The following ZBTB20 variants were observed in gnomAD, a reference collection of about 807,000 sequenced individuals.
The protein encoded by ZBTB20 is zinc finger and BTB domain containing 20.
Under a neutral mutation model 56.9 loss-of-function variants are expected in ZBTB20, and 9 were observed. That is an observed-to-expected ratio of 0.16 (90% CI 0.10 to 0.28). The LOEUF (loss-of-function observed/expected upper bound fraction) is 0.28, where lower values mean the gene tolerates loss of function less well. Among genes scored for constraint, ZBTB20 ranks in the 10% least tolerant of loss-of-function variants. The pLI is 1.00. For missense variants in ZBTB20, 655 were observed against 1,003.0 expected, an observed-to-expected ratio of 0.65 and a Z score of 4.69; for synonymous variants, 417 against 420.7, an observed-to-expected ratio of 0.99 and a Z score of 0.11.
Position 114,351,209 on chromosome 3 carries a change from C to T in ZBTB20, c.869G>A (p.Arg290His). 18 of 1,601,876 alleles carry T rather than the reference C, an allele frequency of 1.1e-5. No homozygotes were observed. The highest frequency in any genetic ancestry group is 1.5e-5 in the Non-Finnish European group (18 of 1,179,476). The stretch of plus-strand genomic sequence containing the variant: ...CATCTGCTGCGAGCGCTCATGGATG[C>T]GTGTGATCCAGCTGGGGTCTTCCAT... Reference protein sequence around the residue: ...HHMEDPSWITRIHERSQQMER... With the variant: ...HHMEDPSWITHIHERSQQMER... The change falls in exon 11 of 12, where the codon CGC (arginine) becomes CAC (histidine). Residue 290 changes from arginine (R) to histidine (H), a missense_variant. Physicochemically the swap from Arg to His is conservative, Grantham distance 29. This residue lies in a region of ZBTB20 where 167 missense variants were observed against 281.9 expected (regional missense o/e 0.59). Transcript: ENST00000675478.
chr3:114,752,706 A>G lies in ZBTB20; in HGVS notation c.-343+48395T>C, dbSNP rs78000637. ...CAGTTAAAACATAACTCCTGCTGGG[A>G]AGCCTTTCCTGTTGCTGTACTCTCT... On this transcript the variant is annotated intron_variant, in intron 5 of 11. Transcript: ENST00000675478. Among the ~76,000 whole-genome samples the G allele has an allele frequency of 7.8e-3, 1,184 of 152,276 alleles. 7 individuals carry two copies. Among genetic ancestry groups the G allele is most frequent in the Middle Eastern group, 0.014 (4 of 294 alleles).
rs1048376285 is a variant in ZBTB20 at position 114,335,712 on chromosome 3, C to G, written c.*3293G>C. On this transcript the variant is annotated 3_prime_UTR_variant, in exon 12 of 12. Transcript: ENST00000675478. ...GGATAAATGTACAGTAGGAATATGT[C>G]TACTGCTATGCAAACCTGGCTGGTC... is the stretch of plus-strand genomic sequence containing the variant. 1 of 152,138 alleles carries G rather than the reference C, an allele frequency of 6.6e-6. No individual in the cohort carries two copies. The highest frequency in any genetic ancestry group is 6.5e-5 in the Admixed American group (1 of 15,270). 9.4% of individuals were successfully genotyped at this position (152,138 alleles called of 1,614,324 possible). A position where few individuals can be genotyped will look rare whatever the true frequency, so the allele number is the denominator to read the frequency against.
intron 5 of ZBTB20, among the ~76,000 whole-genome samples, chr3:114,714,187 G>GA (rs2064294168): frequency 6.6e-6 from 1 of 152,188 alleles, no homozygotes; most frequent in African/African-American, 2.4e-5. Flanking sequence ...ATCAAAATCT[G>GA]AAAATCATAG....
intron 10 of ZBTB20, among the ~76,000 whole-genome samples, chr3:114,371,114 AC>A (rs532795685): frequency 1.2e-4 from 18 of 152,160 alleles, no homozygotes; most frequent in Non-Finnish European, 1.9e-4. Context: ...GGTAGGCCCT[AC>A]TTAACACCCT....
At chr3:115,120,225 T>C (rs969508879) in intron 1 of ZBTB20, among the ~76,000 whole-genome samples, 6 of 152,154 alleles carry the variant, frequency 3.9e-5, no homozygotes, top group African/African-American at 1.4e-4. Context: ...GTAACAAATG[T>C]ACCGCTATGC....
intron 2 of ZBTB20, among the ~76,000 whole-genome samples, chr3:115,043,936 G>C (rs561266613): frequency 6.6e-6 from 1 of 152,208 alleles, no homozygotes; most frequent in Non-Finnish European, 1.5e-5. Context: ...GGTAATAAGT[G>C]AGCTCTCACT....
intron 3 of ZBTB20, among the ~76,000 whole-genome samples, chr3:114,955,597 A>T (rs1190673443): frequency 6.6e-6 from 1 of 152,160 alleles, no homozygotes; most frequent in Non-Finnish European, 1.5e-5. Context: ...CCTTGAAATC[A>T]TCCACAGAGA....
At chr3:115,030,855 C>A (rs1446924971) in intron 2 of ZBTB20, among the ~76,000 whole-genome samples, 2 of 151,230 alleles carry the variant, frequency 1.3e-5, no homozygotes, top group Non-Finnish European at 3.0e-5. Flanking sequence ...ATTTATGAGT[C>A]TTTTCTCTCA....
At chr3:114,952,387 A>C (rs548564107) in intron 3 of ZBTB20, among the ~76,000 whole-genome samples, 1 of 152,064 alleles carries the variant, frequency 6.6e-6, no homozygotes, top group Non-Finnish European at 1.5e-5. Flanking sequence ...TCATGATCTT[A>C]GACTTCTCAG....
Position 114,429,573 on chromosome 3 carries a change from G to A in ZBTB20, c.-254-40468C>T, listed in dbSNP as rs72950663. Among the ~76,000 whole-genome samples, 308 of 152,276 alleles carry A rather than the reference G, an allele frequency of 2.0e-3. 2 individuals carry two copies. Among genetic ancestry groups the A allele is most frequent in the African/African-American group, 6.4e-3 (264 of 41,550 alleles). On this transcript the variant is annotated intron_variant, in intron 7 of 11. Transcript: ENST00000675478. Reference sequence around the variant, plus strand: ...TGAGAGGGTATTGAGGTTGAGGATGGGGATGAAACTAAGAATAAGGCAGAG... The same window carrying A: ...TGAGAGGGTATTGAGGTTGAGGATGAGGATGAAACTAAGAATAAGGCAGAG...
intron 7 of ZBTB20, among the ~76,000 whole-genome samples, chr3:114,404,917 C>T (rs2087162659): frequency 6.6e-6 from 1 of 152,120 alleles, no homozygotes; most frequent in South Asian, 2.1e-4. Flanking sequence ...AGCCCCATTT[C>T]CAAGAAGCAG....
rs558984257 is a variant in ZBTB20, at chr3:114,945,485, A to C, written c.-456+28881T>G. ...GAGGGACAAATATAATTATTCATTGAAAAGAGATAAAAGGTGTAAGTTACA... is the reference window on the plus strand; with the variant it reads ...GAGGGACAAATATAATTATTCATTGCAAAGAGATAAAAGGTGTAAGTTACA... On this transcript the variant is annotated intron_variant, in intron 3 of 11. Transcript: ENST00000675478. 8.7e-4 allele frequency among the ~76,000 whole-genome samples: 127 copies of C among 145,488 alleles called. 20 individuals are homozygous for C. The highest frequency in any genetic ancestry group is 3.5e-3 in the Middle Eastern group (1 of 288).
chr3:114,645,152 T>C (rs1385671352), intron 6 of ZBTB20, among the ~76,000 whole-genome samples: 3 of 152,056 alleles, frequency 2.0e-5, no homozygotes, highest in Non-Finnish European at 4.4e-5. Context: ...AAATAAAATG[T>C]TAGTGTTTGG....
chr3:114,590,313 A>T (rs994138546), intron 6 of ZBTB20, among the ~76,000 whole-genome samples: 18 of 152,024 alleles, frequency 1.2e-4, no homozygotes, highest in Non-Finnish European at 1.5e-4. Context: ...AAAATTAGCC[A>T]GTCATGATGG....
intron 1 of ZBTB20, among the ~76,000 whole-genome samples, chr3:115,142,558 G>A (rs540051740): frequency 6.6e-6 from 1 of 151,924 alleles, no homozygotes; most frequent in East Asian, 1.9e-4. Flanking sequence ...CAGCTACTCA[G>A]GAGACTGAGG....
At chr3:114,952,528 G>C (rs201294432) in intron 3 of ZBTB20, among the ~76,000 whole-genome samples, 2 of 151,192 alleles carry the variant, frequency 1.3e-5, no homozygotes, top group South Asian at 2.1e-4. Flanking sequence ...ATAGTGGCTA[G>C]AAAATTCTCA....
chr3:114,746,262 G>A (rs1343424819), intron 5 of ZBTB20, among the ~76,000 whole-genome samples: 1 of 152,136 alleles, frequency 6.6e-6, no homozygotes, highest in Non-Finnish European at 1.5e-5. Context: ...TGAAGGACAA[G>A]TTTTTCACTC....
chr3:114,660,327 C>A (rs1220257268), intron 6 of ZBTB20, among the ~76,000 whole-genome samples: 1 of 152,032 alleles, frequency 6.6e-6, no homozygotes, highest in Non-Finnish European at 1.5e-5. Context: ...ATATAAGAAG[C>A]AATTTGCTTG....
At position 114,425,385 on chromosome 3, in the gene ZBTB20, C is replaced by T. The variant is rs569201638; in HGVS notation, c.-254-36280G>A. Among the ~76,000 whole-genome samples, 9 of 152,314 alleles carry T rather than the reference C, an allele frequency of 5.9e-5. No homozygotes were observed. The South Asian group carries it at 6.2e-4, about 11-fold the overall frequency. ...TTCTACACGTTGTCTCTGCTTACTT[C>T]GACCACATCTGTCTTCTAGGTCTCC... On this transcript the variant is annotated intron_variant, in intron 7 of 11. Transcript: ENST00000675478.
Sources: gnomAD v4.1 joint callset for allele counts (sites outside exome capture counted in the v4.1 genomes callset) on GRCh38, gnomAD v4.1.1 for gene constraint, gnomAD v4.1.1 regional missense constraint, MANE v1.5 for transcripts, NCBI Gene and HGNC (gene_info 2026-07-23, HGNC 2026-07-21) for gene names.